The following GLIS3 variants were observed in gnomAD, a reference collection of about 807,000 sequenced individuals.
GLIS3 encodes zinc finger protein GLIS3.
Under a neutral mutation model 78.6 loss-of-function variants are expected in GLIS3, and 53 were observed. The ratio of observed to expected loss-of-function variants is 0.67; its 90% confidence interval spans 0.54 to 0.85. The LOEUF is 0.85. Ranked by LOEUF, GLIS3 falls within the 40% of genes least tolerant of loss-of-function variation. The pLI, the probability that GLIS3 is intolerant of heterozygous loss-of-function variation, is 0.00. For missense variants in GLIS3, 1,703 were observed against 1,231.1 expected (o/e 1.38, Z -5.74); for synonymous variants, 684 against 509.9 (o/e 1.34, Z -4.60).
At chr9:4,180,628 C>G (rs1415099829) in intron 2 of GLIS3, among the ~76,000 whole-genome samples, 4 of 152,162 alleles carry the variant, frequency 2.6e-5, no homozygotes, top group East Asian at 3.8e-4. Flanking sequence ...CCATCCTGCT[C>G]CATGAGAGAA....
At chr9:4,275,759 T>A (rs1174092368) in intron 2 of GLIS3, among the ~76,000 whole-genome samples, 1 of 152,000 alleles carries the variant, frequency 6.6e-6, no homozygotes, top group Non-Finnish European at 1.5e-5. Flanking sequence ...CAAGACCCAG[T>A]CTCTATAAAT....
rs77807695 is a variant in GLIS3 at position 4,167,432 on chromosome 9, G to C, written c.389-41491C>G. Among the ~76,000 whole-genome samples the C allele has an allele frequency of 4.9e-3, 749 of 152,248 alleles. 9 individuals carry two copies. Among genetic ancestry groups the C allele is most frequent in the African/African-American group, 0.017 (707 of 41,530 alleles). On this transcript the variant is annotated intron_variant, in intron 2 of 10. Transcript: ENST00000381971. ...TACTATGTGCCAGATTTTCTGCTAA[G>C]TGATTTCACATATATCCTCACATAA...
intron 4 of GLIS3, among the ~76,000 whole-genome samples, chr9:4,095,661 T>G (rs946659301): frequency 6.6e-6 from 1 of 152,168 alleles, no homozygotes; most frequent in African/African-American, 2.4e-5. Context: ...CCGTGAATGA[T>G]GAAAGTGAGC....
At chr9:4,320,230 C>T (rs977297459) in intron 2 of GLIS3, among the ~76,000 whole-genome samples, 2 of 152,058 alleles carry the variant, frequency 1.3e-5, no homozygotes, top group Non-Finnish European at 1.5e-5. Flanking sequence ...TCTCCCTGAC[C>T]CTGCATGCTT....
chr9:4,375,582 G>A, the GLIS3 span, among the ~76,000 whole-genome samples: 2 of 152,166 alleles, frequency 1.3e-5, no homozygotes, highest in East Asian at 3.8e-4. Flanking sequence ...ACAGACACAT[G>A]GCTTTATAAT....
intron 6 of GLIS3, among the ~76,000 whole-genome samples, chr9:3,902,717 T>G (rs1245621075): frequency 6.6e-6 from 1 of 152,172 alleles, no homozygotes; most frequent in Non-Finnish European, 1.5e-5. Context: ...GGGATTTCAC[T>G]CTTGGAACCA....
At chr9:4,327,169 G>T (rs895536204) in intron 2 of GLIS3, among the ~76,000 whole-genome samples, 15 of 152,196 alleles carry the variant, frequency 9.9e-5, no homozygotes, top group African/African-American at 3.6e-4. Context: ...GAGGTGAGAA[G>T]GGAGAGTGTC....
chr9:4,457,286 A>T, the GLIS3 span, among the ~76,000 whole-genome samples: 1 of 151,888 alleles, frequency 6.6e-6, no homozygotes, highest in Admixed American at 6.6e-5. Context: ...ATTTGAGCCC[A>T]GCAAGTCATG....
chr9:4,155,566 T>G (rs147094905), intron 2 of GLIS3, among the ~76,000 whole-genome samples: 4 of 152,190 alleles, frequency 2.6e-5, no homozygotes, highest in Admixed American at 2.6e-4. Context: ...TAGCAATAAT[T>G]TGCACTCACA....
In GLIS3 at chr9:3,825,701, G is replaced by T; in HGVS notation, c.*2571C>A. ...AGCAAGGGACAAATTTTAAGGTCAG[G>T]AAAGACTCTCGAATCTAAGCATAGT... is the stretch of plus-strand genomic sequence containing the variant. On this transcript the variant is annotated 3_prime_UTR_variant, in exon 11 of 11. Transcript: ENST00000381971. 6.6e-6 allele frequency: 1 copy of T among 152,286 alleles called. No homozygotes were observed. Among genetic ancestry groups the T allele is most frequent in the Non-Finnish European group, 1.5e-5 (1 of 68,040 alleles). 9.4% of individuals were successfully genotyped at this position (152,286 alleles called of 1,614,324 possible).
At chr9:4,092,462 A>C (rs1829602636) in intron 4 of GLIS3, among the ~76,000 whole-genome samples, 1 of 152,212 alleles carries the variant, frequency 6.6e-6, no homozygotes, top group Non-Finnish European at 1.5e-5. Context: ...TCAGTTTACA[A>C]CACAAACACA....
At chr9:3,925,466 A>G (rs1825152647) in intron 6 of GLIS3, among the ~76,000 whole-genome samples, 1 of 152,194 alleles carries the variant, frequency 6.6e-6, no homozygotes, top group Non-Finnish European at 1.5e-5. Flanking sequence ...ATTCCTGGCC[A>G]GAGCTGGTGT....
chr9:4,178,562 T>C (rs953921546), intron 2 of GLIS3, among the ~76,000 whole-genome samples: 4 of 152,246 alleles, frequency 2.6e-5, no homozygotes, highest in African/African-American at 9.6e-5. Context: ...TGGTTTTGCC[T>C]AGGGCTTGAC....
intron 2 of GLIS3, among the ~76,000 whole-genome samples, chr9:4,159,224 G>A (rs758068982): frequency 2.6e-5 from 4 of 152,170 alleles, no homozygotes; most frequent in Non-Finnish European, 4.4e-5. Flanking sequence ...TAACAAATGC[G>A]GGTTGAATGA....
chr9:4,386,692 G>A, the GLIS3 span: 1 of 152,114 alleles, frequency 6.6e-6, no homozygotes, highest in Non-Finnish European at 1.5e-5. Context: ...GATTACTTGG[G>A]GTATGCCCTA....
intron 2 of GLIS3, among the ~76,000 whole-genome samples, chr9:4,201,585 T>C (rs185976572): frequency 6.6e-6 from 1 of 152,102 alleles, no homozygotes; most frequent in African/African-American, 2.4e-5. Context: ...CGAGTCACAA[T>C]AGCCACACAA....
rs12238701 is a variant in GLIS3, at chr9:4,321,353, C to T, written n.265-10825G>A. On this transcript the variant is annotated intron_variant and non_coding_transcript_variant, in intron 2 of 4. Transcript: ENST00000471664. ...AGGAGAATGGCGTGAACCCAGGAGG[C>T]GGAGCTTGCAGGGAGCCGAGATGGC... Among the ~76,000 whole-genome samples the T allele has an allele frequency of 3.4e-3, 392 of 114,250 alleles. 34 individuals carry two copies. Among genetic ancestry groups the T allele is most frequent in the Admixed American group, 0.01 (104 of 9,982 alleles). The allele number at this position is 114,250 out of a possible 152,430, so 75.0% of individuals were successfully genotyped here.
chr9:3,892,598 A>G (rs1822537230), intron 7 of GLIS3, among the ~76,000 whole-genome samples: 1 of 152,194 alleles, frequency 6.6e-6, no homozygotes, highest in African/African-American at 2.4e-5. Flanking sequence ...TGCTATTCTT[A>G]AGATTTTCAG....
chr9:3,991,725 C>G lies in GLIS3; in HGVS notation c.1711-54536G>C, dbSNP rs1272543785. Among the ~76,000 whole-genome samples, 14 of 100,298 alleles carry G rather than the reference C, an allele frequency of 1.4e-4. No homozygotes were observed. The South Asian group carries it at 2.8e-3, about 20-fold the overall frequency. 65.8% of individuals were successfully genotyped at this position (100,298 alleles called of 152,430 possible). ...TTTTTTTTTGAGACGGAGTCTCACT[C>G]TGTCGCCCAGGCTGGAGTGCAGTGG... is the stretch of plus-strand genomic sequence containing the variant. On this transcript the variant is annotated intron_variant, in intron 4 of 10. Coordinates refer to ENST00000381971, the MANE Select transcript of GLIS3 (RefSeq NM_001042413.2).
Sources: gnomAD v4.1 joint callset for allele counts (sites outside exome capture counted in the v4.1 genomes callset) on GRCh38, gnomAD v4.1.1 for gene constraint, MANE v1.5 for transcripts, NCBI Gene and HGNC (gene_info 2026-07-23, HGNC 2026-07-21) for gene names.